The following NRG2 variants were observed in gnomAD, a reference collection of about 807,000 sequenced individuals.
NRG2 encodes pro-neuregulin-2, membrane-bound isoform.
A neutral mutation model predicts 73.9 loss-of-function variants in NRG2; 27 were observed. The ratio of observed to expected loss-of-function variants is 0.37; its 90% CI spans 0.27 to 0.50. The LOEUF (loss-of-function observed/expected upper bound fraction) is 0.50, where lower values mean the gene tolerates loss of function less well. Ranked by LOEUF, NRG2 falls within the 20% of genes least tolerant of loss-of-function variation. The probability of loss-of-function intolerance (pLI) is 0.96; values close to 1 mark genes in which losing one functional copy is unlikely to be tolerated. For synonymous variants in NRG2, 532 were observed against 541.0 expected, an observed-to-expected ratio of 0.98 and a Z score of 0.23; for missense variants, 1,126 against 1,210.1, an observed-to-expected ratio of 0.93 and a Z score of 1.03.
At chr5:139,867,762 C>CTG (rs367771225) in intron 4 of NRG2, among the ~76,000 whole-genome samples, 17,648 of 128,454 alleles carry the variant, frequency 0.14, 1,375 homozygotes, top group African/African-American at 0.21. Context: ...GAAGGGAAAC[C>CTG]TGTGTGTGTG....
chr5:140,028,478 T>C (rs1420766450), intron 1 of NRG2, among the ~76,000 whole-genome samples: 3 of 152,156 alleles, frequency 2.0e-5, no homozygotes, highest in African/African-American at 7.2e-5. Context: ...GAGTTCACAG[T>C]CTTCAGATCA....
At chr5:139,860,476 G>A (rs149669008) in intron 5 of NRG2, among the ~76,000 whole-genome samples, 7 of 152,114 alleles carry the variant, frequency 4.6e-5, no homozygotes, top group African/African-American at 7.2e-5. Flanking sequence ...CTGGGAGCCC[G>A]GGTGGGGAGC....
In NRG2 at chr5:139,848,229, G is replaced by T; in HGVS notation, c.2241C>A (p.Arg747=). ...SAGPRRWRRS[R]LNGLAAQRAR... is the part of the protein sequence containing the mutation. ...CGCGCTGCGCCGCCAGCCCGTTGAG[G>T]CGCGAGCGGCGCCAGCGCCGGGGCC... Residue 747 remains arginine (R), a synonymous_variant, in exon 10 of 10, where the codon CGC becomes CGA. Coordinates refer to ENST00000361474, the MANE Select transcript of NRG2 (RefSeq NM_004883.3). The T allele has an allele frequency of 8.5e-7, 1 of 1,170,978 alleles. No homozygotes were observed. The highest frequency in any genetic ancestry group is 3.9e-5 in the East Asian group (1 of 25,880). The allele number at this position is 1,170,978 out of a possible 1,614,324, so 72.5% of individuals were successfully genotyped here. A position where few individuals can be genotyped will look rare whatever the true frequency, so the allele number is the denominator to read the frequency against.
intron 1 of NRG2, among the ~76,000 whole-genome samples, chr5:139,921,133 G>GATTTCC (rs1353478117): frequency 2.2e-4 from 33 of 152,198 alleles, no homozygotes; most frequent in African/African-American, 8.0e-4. Flanking sequence ...CATGTTCATA[G>GATTTCC]ACGCAAAGAC....
At chr5:139,893,944 G>T (rs1764387202) in intron 1 of NRG2, among the ~76,000 whole-genome samples, 2 of 152,158 alleles carry the variant, frequency 1.3e-5, no homozygotes. Context: ...GCCAAGCCAG[G>T]GCTTCTGGCC....
chr5:139,864,047 C>T (rs951451746), intron 5 of NRG2, among the ~76,000 whole-genome samples: 3 of 152,198 alleles, frequency 2.0e-5, no homozygotes, highest in Admixed American at 2.0e-4. Flanking sequence ...TCCCAGAGTT[C>T]TACCTCCCAG....
intron 1 of NRG2, among the ~76,000 whole-genome samples, chr5:139,892,046 G>A (rs1314976617): frequency 6.6e-6 from 1 of 152,204 alleles, no homozygotes; most frequent in Admixed American, 6.5e-5. Flanking sequence ...TCTAGCAGCT[G>A]CAAGTCCTGG....
At chr5:139,873,683 T>C (rs1020327794) in intron 3 of NRG2, among the ~76,000 whole-genome samples, 10 of 152,242 alleles carry the variant, frequency 6.6e-5, no homozygotes, top group African/African-American at 2.2e-4. Flanking sequence ...TCAGCCTGGA[T>C]CTGCCAGGCC....
At chr5:140,035,556 A>G (rs1424863493) in intron 1 of NRG2, among the ~76,000 whole-genome samples, 1 of 152,242 alleles carries the variant, frequency 6.6e-6, no homozygotes, top group Non-Finnish European at 1.5e-5. Flanking sequence ...TTTTTGTAAT[A>G]AAACTTTTGG....
Position 140,031,249 on chromosome 5 carries a change from G to T in NRG2, c.700+11121C>A, listed in dbSNP as rs146208297. On this transcript the variant is annotated intron_variant, in intron 1 of 9. Coordinates refer to ENST00000361474, the MANE Select transcript of NRG2 (RefSeq NM_004883.3). ...ATCAGCAGGCCTAAGCAGAAAGGAA[G>T]GAAGCCAGGTGGGATGAAGTGGGAG... Among the ~76,000 whole-genome samples the T allele has an allele frequency of 1.4e-3, 217 of 152,310 alleles. 1 individual carries two copies. The highest frequency in any genetic ancestry group is 5.0e-3 in the African/African-American group (208 of 41,554).
rs540488130 is a variant in NRG2, at chr5:139,885,810, G to C, written c.872+1530C>G. Among the ~76,000 whole-genome samples, 4 of 152,078 alleles carry C rather than the reference G, an allele frequency of 2.6e-5. No homozygotes were observed. In the East Asian group the frequency reaches 7.7e-4, roughly 29 times the overall value. On this transcript the variant is annotated intron_variant, in intron 2 of 9. Transcript: ENST00000361474. ...TGATAGGCAGGTTGTAGACATGTTT[G>C]GGAGCCATGAGGAGGGAAAGGGGGG...
At chr5:139,890,602 C>G (rs1764157475) in intron 1 of NRG2, among the ~76,000 whole-genome samples, 1 of 151,890 alleles carries the variant, frequency 6.6e-6, no homozygotes, top group Non-Finnish European at 1.5e-5. Flanking sequence ...TTACCCACCT[C>G]CCTCCCTCCT....
intron 1 of NRG2, among the ~76,000 whole-genome samples, chr5:139,924,556 A>G (rs1292519869): frequency 2.0e-5 from 3 of 152,230 alleles, no homozygotes; most frequent in Non-Finnish European, 4.4e-5. Flanking sequence ...TTGTGTTCTA[A>G]TGAAATGATA....
At position 139,852,946 on chromosome 5, in the gene NRG2, G is replaced by C; in HGVS notation, c.1374C>G (p.Pro458=). Residue 458 remains proline, a synonymous_variant, in exon 7 of 10, where the codon CCC becomes CCG. Coordinates refer to ENST00000361474, the MANE Select transcript of NRG2 (RefSeq NM_004883.3). This position sits in a 1 kb window ranked among gnomAD's most constrained non-coding sequence, Gnocchi z 4.4. ...AHQNRSLANG[P]SHPRLDPEEI... is the part of the protein sequence containing the mutation. ...CCTCTGGGTCCAGCCGGGGGTGGCT[G>C]GGCCCATTGGCCAAGCTCCGGTTCT... The C allele has an allele frequency of 1.2e-6, 2 of 1,611,606 alleles. No homozygotes were observed. Among genetic ancestry groups the C allele is most frequent in the Non-Finnish European group, 1.7e-6 (2 of 1,179,286 alleles).
At chr5:140,037,851 T>C (rs1761621377) in intron 1 of NRG2, among the ~76,000 whole-genome samples, 1 of 138,200 alleles carries the variant, frequency 7.2e-6, no homozygotes. Context: ...GAGGTTGCAG[T>C]GAGCTGAGAA....
intron 1 of NRG2, among the ~76,000 whole-genome samples, chr5:139,926,487 C>T (rs537218676): frequency 6.8e-4 from 103 of 152,120 alleles, no homozygotes; most frequent in Non-Finnish European, 1.1e-3. Flanking sequence ...ATTCGCCCTG[C>T]TTATCAGACC....
chr5:139,975,244 G>A (rs186364943), intron 1 of NRG2, among the ~76,000 whole-genome samples: 3 of 152,268 alleles, frequency 2.0e-5, no homozygotes, highest in Non-Finnish European at 4.4e-5. Context: ...GTGCTTTCTG[G>A]TGAAAAGGGA....
rs1214683338 is a variant in NRG2 at position 139,865,698 on chromosome 5, T to G, written c.1113-73A>C. On this transcript the variant is annotated intron_variant, in intron 4 of 9. Transcript: ENST00000361474. The surrounding 1 kb of genome is among the most constrained non-coding windows in gnomAD (Gnocchi z 5.2). ...GCGAGGCTAAGGTTAGAAATCAAAG[T>G]GCACAGTGATGAATGAGAAAAACCA... The G allele has an allele frequency of 2.3e-6, 3 of 1,282,836 alleles. No individual in the cohort carries two copies. Among genetic ancestry groups the G allele is most frequent in the Non-Finnish European group, 3.3e-6 (3 of 904,768 alleles). The allele number at this position is 1,282,836 out of a possible 1,614,324, so 79.5% of individuals were successfully genotyped here.
chr5:139,849,362 A>G (rs1336493960), intron 9 of NRG2, among the ~76,000 whole-genome samples: 1 of 152,150 alleles, frequency 6.6e-6, no homozygotes, highest in Non-Finnish European at 1.5e-5. Context: ...CCATGCCCTG[A>G]TGGCTTCAGT....
Sources: gnomAD v4.1 joint callset for allele counts (sites outside exome capture counted in the v4.1 genomes callset) on GRCh38, gnomAD v4.1.1 for gene constraint, Gnocchi (gnomAD v3.1) non-coding constraint, MANE v1.5 for transcripts, NCBI Gene and HGNC (gene_info 2026-07-23, HGNC 2026-07-21) for gene names.